Variants in CFAP299 observed in about 807,000 individuals in gnomAD.
CFAP299 encodes cilia- and flagella-associated protein 299.
In CFAP299, 21 loss-of-function variants were observed where a neutral mutation model predicts 27.0. The ratio of observed to expected loss-of-function variants is 0.78; its 90% CI spans 0.55 to 1.12. CFAP299 has a LOEUF of 1.12. Among genes scored for constraint, CFAP299 ranks in the 50% most tolerant of loss-of-function variants. The pLI, the probability that CFAP299 is intolerant of heterozygous loss-of-function variation, is 0.00. For synonymous variants in CFAP299, 104 were observed against 98.1 expected, an observed-to-expected ratio of 1.06 and a Z score of -0.36; for missense variants, 310 against 276.6, an observed-to-expected ratio of 1.12 and a Z score of -0.86.
chr4:80,888,842 T>C (rs1300264974), intron 4 of CFAP299, among the ~76,000 whole-genome samples: 6 of 151,512 alleles, frequency 4.0e-5, no homozygotes, highest in Non-Finnish European at 7.4e-5. Context: ...TACAAACACA[T>C]TGAACATTAA....
At chr4:80,586,504 A>T (rs1736449316) in intron 3 of CFAP299, among the ~76,000 whole-genome samples, 1 of 152,156 alleles carries the variant, frequency 6.6e-6, no homozygotes, top group South Asian at 2.1e-4. Flanking sequence ...TTTTTAAAGA[A>T]ACACTATAGA....
chr4:80,632,784 A>G (rs1457630982), intron 3 of CFAP299, among the ~76,000 whole-genome samples: 1 of 152,120 alleles, frequency 6.6e-6, no homozygotes, highest in Non-Finnish European at 1.5e-5. Flanking sequence ...TCAAAGAAAT[A>G]CAAATTTAAA....
chr4:80,929,176 A>G (rs556472868), intron 4 of CFAP299, among the ~76,000 whole-genome samples: 16 of 152,120 alleles, frequency 1.1e-4, no homozygotes, highest in African/African-American at 3.6e-4. Flanking sequence ...TCCAGTCTCT[A>G]TGGCAACACT....
At chr4:80,362,722 C>A in intron 1 of CFAP299, 32 bp from the exon 2 acceptor site, 1 of 1,567,542 alleles carries the variant, frequency 6.4e-7, no homozygotes, top group Non-Finnish European at 8.6e-7. Context: ...GTCTCATTTG[C>A]CCACTCACCT....
At chr4:80,846,270 G>A (rs1476343694) in intron 3 of CFAP299, among the ~76,000 whole-genome samples, 1 of 152,196 alleles carries the variant, frequency 6.6e-6, no homozygotes, top group East Asian at 1.9e-4. Context: ...AAAGGGATAA[G>A]AGAAGATGGT....
chr4:80,396,923 T>C (rs1020035513), intron 2 of CFAP299, among the ~76,000 whole-genome samples: 1 of 152,234 alleles, frequency 6.6e-6, no homozygotes, highest in African/African-American at 2.4e-5. Flanking sequence ...TTCCTCCTTT[T>C]TCTATTGATT....
At chr4:80,898,007 C>A (rs987579165) in intron 4 of CFAP299, among the ~76,000 whole-genome samples, 2 of 152,112 alleles carry the variant, frequency 1.3e-5, no homozygotes, top group Non-Finnish European at 2.9e-5. Flanking sequence ...CAGGAGCAAA[C>A]TCCATGTGGG....
intron 4 of CFAP299, among the ~76,000 whole-genome samples, chr4:80,898,388 C>G (rs1426493840): frequency 1.3e-5 from 2 of 152,054 alleles, no homozygotes; most frequent in African/African-American, 2.4e-5. Flanking sequence ...CTGCTTCTCT[C>G]TAACATCCAA....
chr4:80,428,369 T>A (rs930735367), intron 2 of CFAP299, among the ~76,000 whole-genome samples: 1 of 152,184 alleles, frequency 6.6e-6, no homozygotes, highest in Non-Finnish European at 1.5e-5. Context: ...TCTTTATCTG[T>A]AGTAATCTGC....
At chr4:80,443,718 A>G (rs957994715) in intron 2 of CFAP299, among the ~76,000 whole-genome samples, 7 of 152,150 alleles carry the variant, frequency 4.6e-5, no homozygotes, top group Non-Finnish European at 2.9e-5. Context: ...GGGTATTCAA[A>G]TAGGAAGAGA....
chr4:80,659,167 A>T (rs1740707567), intron 3 of CFAP299, among the ~76,000 whole-genome samples: 1 of 152,142 alleles, frequency 6.6e-6, no homozygotes, highest in Admixed American at 6.6e-5. Context: ...AATACTGGGC[A>T]GTTAAAAATA....
intron 2 of CFAP299, among the ~76,000 whole-genome samples, chr4:80,463,265 A>G (rs928846760): frequency 4.6e-5 from 7 of 152,206 alleles, no homozygotes; most frequent in Non-Finnish European, 7.3e-5. Flanking sequence ...AAAATCACCT[A>G]TAGCAAATGG....
intron 2 of CFAP299, among the ~76,000 whole-genome samples, chr4:80,531,040 A>G (rs757648283): frequency 3.3e-5 from 5 of 152,176 alleles, no homozygotes; most frequent in Non-Finnish European, 7.4e-5. Flanking sequence ...ATAATAATTT[A>G]TATTTTAAAA....
chr4:80,943,956 C>T (rs1412006005), intron 4 of CFAP299, among the ~76,000 whole-genome samples: 1 of 151,942 alleles, frequency 6.6e-6, no homozygotes, highest in Non-Finnish European at 1.5e-5. Flanking sequence ...GTCCCAGCTA[C>T]TTGGGAGGCT....
intron 4 of CFAP299, among the ~76,000 whole-genome samples, chr4:80,911,072 A>G (rs1042574865): frequency 1.3e-5 from 2 of 152,128 alleles, no homozygotes; most frequent in South Asian, 2.1e-4. Context: ...ATAAGTACTT[A>G]TATTTTAATG....
At chr4:80,770,423 G>C (rs558186272) in intron 3 of CFAP299, among the ~76,000 whole-genome samples, 1 of 150,000 alleles carries the variant, frequency 6.7e-6, no homozygotes, top group East Asian at 1.9e-4. Context: ...CAAGTTTATG[G>C]ACTGAAAGCT....
intron 2 of CFAP299, chr4:80,387,298 G>C (rs1399548790): frequency 1.9e-6 from 3 of 1,611,216 alleles, no homozygotes; most frequent in Non-Finnish European, 2.5e-6. Context: ...CCAGAAATGT[G>C]TCGAGCTTTG....
chr4:80,677,092 C>T (rs1719510267), intron 3 of CFAP299, among the ~76,000 whole-genome samples: 1 of 151,854 alleles, frequency 6.6e-6, no homozygotes, highest in Non-Finnish European at 1.5e-5. Flanking sequence ...TTGCTATAAA[C>T]TTCCCTCTTA....
chr4:80,489,539 A>T (rs1273715847), intron 2 of CFAP299, among the ~76,000 whole-genome samples: 1 of 152,194 alleles, frequency 6.6e-6, no homozygotes, highest in Non-Finnish European at 1.5e-5. Context: ...GGGCTACATC[A>T]AAGAGTGCCT....
Sources: gnomAD v4.1 joint callset for allele counts (sites outside exome capture counted in the v4.1 genomes callset) on GRCh38, gnomAD v4.1.1 for gene constraint, MANE v1.5 for transcripts, NCBI Gene and HGNC (gene_info 2026-07-23, HGNC 2026-07-21) for gene names.